The following ZNF385D variants were observed in gnomAD, a reference collection of about 807,000 sequenced individuals.
The protein encoded by ZNF385D is zinc finger protein 659.
Under a neutral mutation model 35.8 loss-of-function variants are expected in ZNF385D, and 15 were observed. That is an observed-to-expected ratio of 0.42 (90% CI 0.28 to 0.64). The LOEUF (loss-of-function observed/expected upper bound fraction) is 0.64. Ranked by LOEUF, ZNF385D falls within the 30% of genes least tolerant of loss-of-function variation. ZNF385D has a pLI of 0.23. For synonymous variants in ZNF385D, 212 were observed against 186.8 expected (o/e 1.13, Z -1.10); for missense variants, 474 against 494.6 (o/e 0.96, Z 0.39).
chr3:21,720,310 T>A (rs1259560133), intron 1 of ZNF385D, among the ~76,000 whole-genome samples: 1 of 152,174 alleles, frequency 6.6e-6, no homozygotes, highest in Non-Finnish European at 1.5e-5. Context: ...TCCCAGTACT[T>A]TGGGAGGCTG....
intron 3 of ZNF385D, among the ~76,000 whole-genome samples, chr3:21,793,756 C>T (rs1447019545): frequency 6.6e-6 from 1 of 152,168 alleles, no homozygotes; most frequent in Non-Finnish European, 1.5e-5. Flanking sequence ...AAGAAAAGCA[C>T]ATTAAAGAAG....
At chr3:22,314,197 G>T (rs1170946860) in intron 2 of ZNF385D, among the ~76,000 whole-genome samples, 2 of 152,208 alleles carry the variant, frequency 1.3e-5, no homozygotes, top group Admixed American at 6.5e-5. Flanking sequence ...ATGGTGATTT[G>T]TGAGATTTTG....
intron 3 of ZNF385D, among the ~76,000 whole-genome samples, chr3:22,045,121 C>T (rs915028763): frequency 6.6e-6 from 1 of 151,856 alleles, no homozygotes; most frequent in African/African-American, 2.4e-5. Flanking sequence ...GGAAAAAAAG[C>T]CTATTTTTCC....
intron 2 of ZNF385D, among the ~76,000 whole-genome samples, chr3:22,347,651 G>C (rs1336340647): frequency 6.6e-6 from 1 of 152,140 alleles, no homozygotes; most frequent in Non-Finnish European, 1.5e-5. Context: ...AAGATAAACT[G>C]TTGCTAAGAT....
chr3:22,297,785 C>A (rs1044350404), intron 2 of ZNF385D, among the ~76,000 whole-genome samples: 2 of 151,970 alleles, frequency 1.3e-5, no homozygotes, highest in African/African-American at 4.8e-5. Context: ...ACATAAAAAC[C>A]TTTAAAATGA....
intron 3 of ZNF385D, among the ~76,000 whole-genome samples, chr3:22,046,528 G>A (rs1209284016): frequency 1.3e-5 from 2 of 152,090 alleles, no homozygotes; most frequent in Non-Finnish European, 2.9e-5. Context: ...TGTTTTAAGA[G>A]CTACCACTGA....
intron 2 of ZNF385D, among the ~76,000 whole-genome samples, chr3:22,315,411 T>C (rs781720043): frequency 8.5e-5 from 13 of 152,198 alleles, no homozygotes; most frequent in Non-Finnish European, 1.8e-4. Flanking sequence ...ACGGATGGTA[T>C]TTTCAACCTT....
At chr3:21,792,610 C>T (rs942102698) in intron 3 of ZNF385D, among the ~76,000 whole-genome samples, 1 of 152,044 alleles carries the variant, frequency 6.6e-6, no homozygotes, top group Non-Finnish European at 1.5e-5. Context: ...TTCTTAGCCC[C>T]TAGGAGTTGT....
intron 1 of ZNF385D, among the ~76,000 whole-genome samples, chr3:21,687,288 C>T (rs73042122): frequency 0.052 from 7,868 of 152,234 alleles, 280 homozygotes; most frequent in East Asian, 0.12. Context: ...AGTGCTCAAA[C>T]CCAAAATATA....
At chr3:21,610,447 A>C (rs1307926992) in intron 2 of ZNF385D, among the ~76,000 whole-genome samples, 2 of 152,130 alleles carry the variant, frequency 1.3e-5, no homozygotes, top group African/African-American at 4.8e-5. Context: ...ATATATAATA[A>C]ATTACTACAA....
chr3:22,175,009 AG>A (rs1694722639), intron 2 of ZNF385D, among the ~76,000 whole-genome samples: 3 of 152,006 alleles, frequency 2.0e-5, no homozygotes, highest in African/African-American at 7.2e-5. Flanking sequence ...TTCCTTATAG[AG>A]TCTCTTATAA....
intron 2 of ZNF385D, among the ~76,000 whole-genome samples, chr3:22,200,215 T>C (rs544438816): frequency 7.9e-5 from 12 of 152,174 alleles, no homozygotes; most frequent in African/African-American, 2.6e-4. Context: ...ACTTTCATCC[T>C]GGCAAGATTA....
intron 3 of ZNF385D, among the ~76,000 whole-genome samples, chr3:21,881,991 G>A (rs1698300349): frequency 6.6e-6 from 1 of 151,990 alleles, no homozygotes; most frequent in Admixed American, 6.6e-5. Flanking sequence ...AATGGATCTG[G>A]AATTGTTCTG....
chr3:22,152,607 C>T (rs1277883802), intron 3 of ZNF385D, among the ~76,000 whole-genome samples: 6 of 152,278 alleles, frequency 3.9e-5, no homozygotes, highest in Non-Finnish European at 7.4e-5. Flanking sequence ...TCACTCTAAC[C>T]TCTGCTTCCA....
intron 2 of ZNF385D, among the ~76,000 whole-genome samples, chr3:22,222,343 A>T (rs1467884084): frequency 1.3e-5 from 2 of 152,196 alleles, no homozygotes; most frequent in Admixed American, 6.6e-5. Context: ...AAAGAAAAAA[A>T]AATCTAAGAT....
chr3:21,807,263 T>C (rs1291170835), intron 3 of ZNF385D, among the ~76,000 whole-genome samples: 2 of 152,234 alleles, frequency 1.3e-5, no homozygotes, highest in Non-Finnish European at 2.9e-5. Context: ...AAATCTGATT[T>C]ACATCTAGAG....
At chr3:21,756,399 T>C (rs753899556) in intron 3 of ZNF385D, among the ~76,000 whole-genome samples, 1 of 152,100 alleles carries the variant, frequency 6.6e-6, no homozygotes, top group Non-Finnish European at 1.5e-5. Context: ...GAACTTGCTT[T>C]AGGGGAGGTT....
intron 3 of ZNF385D, among the ~76,000 whole-genome samples, chr3:22,125,549 C>A (rs1157440134): frequency 1.3e-5 from 2 of 152,004 alleles, no homozygotes; most frequent in African/African-American, 2.4e-5. Context: ...CATGAACATT[C>A]TAATCCATAA....
At chr3:21,804,098 T>A (rs917134110) in intron 3 of ZNF385D, among the ~76,000 whole-genome samples, 1 of 152,322 alleles carries the variant, frequency 6.6e-6, no homozygotes, top group Admixed American at 6.5e-5. Flanking sequence ...AAATCAGTGC[T>A]GCCACAAGGA....
Sources: gnomAD v4.1 joint callset for allele counts (sites outside exome capture counted in the v4.1 genomes callset) on GRCh38, gnomAD v4.1.1 for gene constraint, MANE v1.5 for transcripts, NCBI Gene and HGNC (gene_info 2026-07-23, HGNC 2026-07-21) for gene names.